SGCZ: variants seen among roughly 807,000 people sequenced by gnomAD.
The protein encoded by SGCZ is zeta-sarcoglycan.
SGCZ carries 40 observed loss-of-function variants against 41.3 expected under a neutral mutation model. The ratio of observed to expected loss-of-function variants is 0.97; its 90% CI spans 0.75 to 1.26. The LOEUF (loss-of-function observed/expected upper bound fraction) is 1.26, where lower values mean the gene tolerates loss of function less well. Ranked by LOEUF, SGCZ falls within the 50% of genes most tolerant of loss-of-function variation. The pLI is 0.00. For synonymous variants in SGCZ, 206 were observed against 137.5 expected (o/e 1.50, Z -3.49); for missense variants, 552 against 369.8 (o/e 1.49, Z -4.04).
chr8:14,236,220 C>A (rs1159307387), intron 4 of SGCZ, among the ~76,000 whole-genome samples: 10 of 152,108 alleles, frequency 6.6e-5, no homozygotes, highest in African/African-American at 2.4e-4. Flanking sequence ...GTTCTATATC[C>A]ATACACATAT....
intron 2 of SGCZ, among the ~76,000 whole-genome samples, chr8:14,389,989 G>T (rs940452400): frequency 6.6e-6 from 1 of 151,888 alleles, no homozygotes; most frequent in South Asian, 2.1e-4. Flanking sequence ...TTTGTAAGTA[G>T]GGGTTTACAG....
chr8:14,286,775 T>C (rs1563235257), intron 3 of SGCZ, among the ~76,000 whole-genome samples: 1 of 152,128 alleles, frequency 6.6e-6, no homozygotes, highest in Admixed American at 6.6e-5. Context: ...TACACAGCAG[T>C]CTTTGAAAGT....
At chr8:14,217,380 T>C (rs1806036519) in intron 4 of SGCZ, among the ~76,000 whole-genome samples, 1 of 150,178 alleles carries the variant, frequency 6.7e-6, no homozygotes, top group Non-Finnish European at 1.5e-5. Flanking sequence ...TATAACTGGT[T>C]AAATCTAAAG....
chr8:14,783,141 T>C lies in SGCZ; in HGVS notation c.40-228215A>G, dbSNP rs187527148. On this transcript the variant is annotated intron_variant, in intron 1 of 7. Coordinates refer to ENST00000382080, the MANE Select transcript of SGCZ (RefSeq NM_139167.4). ...TTAGGGAATTCCAAGAGATAGAAAGTAAAAGTATATGGCCGGGCACGGTGG... is the reference window on the plus strand; with the variant it reads ...TTAGGGAATTCCAAGAGATAGAAAGCAAAAGTATATGGCCGGGCACGGTGG... 4.5e-3 allele frequency among the ~76,000 whole-genome samples: 686 copies of C among 152,186 alleles called. 1 individual carries two copies. The highest frequency in any genetic ancestry group is 0.01 in the East Asian group (54 of 5,172).
chr8:14,100,399 AT>A (rs1212246408), intron 7 of SGCZ, among the ~76,000 whole-genome samples: 1 of 150,840 alleles, frequency 6.6e-6, no homozygotes, highest in Non-Finnish European at 1.5e-5. Flanking sequence ...AGTTACCATT[AT>A]CAAAGCAACT....
In SGCZ at chr8:14,989,606, C is replaced by G. The variant is rs140338113; in HGVS notation, c.39+247979G>C. Among the ~76,000 whole-genome samples, 590 of 151,944 alleles carry G rather than the reference C, an allele frequency of 3.9e-3. 4 individuals are homozygous for G. Among genetic ancestry groups the G allele is most frequent in the African/African-American group, 0.013 (555 of 41,480 alleles). On this transcript the variant is annotated intron_variant, in intron 1 of 7. Coordinates refer to ENST00000382080, the MANE Select transcript of SGCZ (RefSeq NM_139167.4). ...TCAGGGATTCTTTCCTTTAAGGGAGCATGAATCATATGAAAATCATAAAAT... is the reference window on the plus strand; with the variant it reads ...TCAGGGATTCTTTCCTTTAAGGGAGGATGAATCATATGAAAATCATAAAAT...
At chr8:14,917,836 T>G (rs1440143074) in intron 1 of SGCZ, among the ~76,000 whole-genome samples, 1 of 152,136 alleles carries the variant, frequency 6.6e-6, no homozygotes, top group Non-Finnish European at 1.5e-5. Flanking sequence ...CTCACATCAT[T>G]AATTAGGAGG....
rs6996415 is a variant in SGCZ at position 14,089,540 on chromosome 8, A to G, written c.*903T>C. On this transcript the variant is annotated 3_prime_UTR_variant, in exon 8 of 8. Transcript: ENST00000382080. ...AGTGAGTGGAGCAAACAAAAATTAT[A>G]CTATTAAAACCTAGGTGTAAAGGAT... Among the ~76,000 whole-genome samples, 3,166 of 152,094 alleles carry G rather than the reference A, an allele frequency of 0.021. 121 individuals are homozygous for G. The highest frequency in any genetic ancestry group is 0.072 in the African/African-American group (3,004 of 41,524).
At chr8:14,770,272 C>G (rs999683006) in intron 1 of SGCZ, among the ~76,000 whole-genome samples, 2 of 151,336 alleles carry the variant, frequency 1.3e-5, no homozygotes, top group African/African-American at 4.8e-5. Flanking sequence ...CAAGACAGAC[C>G]CATCTGAAAA....
At chr8:14,287,680 T>C (rs1011710678) in intron 3 of SGCZ, among the ~76,000 whole-genome samples, 2 of 152,124 alleles carry the variant, frequency 1.3e-5, no homozygotes, top group African/African-American at 2.4e-5. Flanking sequence ...TTAATTTTTT[T>C]AAATATATTT....
At chr8:14,471,654 C>G (rs1801215882) in intron 2 of SGCZ, among the ~76,000 whole-genome samples, 1 of 151,888 alleles carries the variant, frequency 6.6e-6, no homozygotes, top group African/African-American at 2.4e-5. Context: ...GTCACATCAG[C>G]TACATAAAGC....
chr8:14,967,990 T>A (rs1456424181), intron 1 of SGCZ, among the ~76,000 whole-genome samples: 3 of 152,150 alleles, frequency 2.0e-5, no homozygotes, highest in Non-Finnish European at 4.4e-5. Context: ...AGTAAATGAA[T>A]GGGCAATGCA....
intron 1 of SGCZ, among the ~76,000 whole-genome samples, chr8:14,652,354 G>GGC (rs1563180488): frequency 1.5e-5 from 1 of 68,456 alleles, no homozygotes; most frequent in Non-Finnish European, 3.3e-5. Context: ...AAAGGGGGGG[G>GGC]TGTGGGGGGG....
At position 14,086,737 on chromosome 8, in the gene SGCZ, G is replaced by A. The variant is rs190897973; in HGVS notation, c.*3706C>T. On this transcript the variant is annotated 3_prime_UTR_variant, in exon 8 of 8. Coordinates refer to ENST00000382080, the MANE Select transcript of SGCZ (RefSeq NM_139167.4). ...ATGTTCAAATGTTAAGAGTGTAAAA[G>A]GGAGTATAAAAAAGAGCATAGGAAG... Among the ~76,000 whole-genome samples the A allele has an allele frequency of 2.6e-3, 398 of 151,726 alleles. 2 individuals carry two copies. The highest frequency in any genetic ancestry group is 4.8e-3 in the Non-Finnish European group (322 of 67,718).
intron 1 of SGCZ, among the ~76,000 whole-genome samples, chr8:14,577,950 T>G (rs376272499): frequency 4.6e-5 from 7 of 152,312 alleles, no homozygotes; most frequent in African/African-American, 1.7e-4. Context: ...TGATGTTTTG[T>G]TTCTATTTTC....
intron 4 of SGCZ, among the ~76,000 whole-genome samples, chr8:14,211,034 T>A (rs770899871): frequency 6.6e-6 from 1 of 152,184 alleles, no homozygotes; most frequent in Non-Finnish European, 1.5e-5. Flanking sequence ...GGGAGATTCT[T>A]GTTTCCCAAA....
intron 2 of SGCZ, among the ~76,000 whole-genome samples, chr8:14,364,620 T>A (rs539686569): frequency 1.3e-5 from 2 of 152,300 alleles, no homozygotes; most frequent in Admixed American, 6.5e-5. Context: ...AGAGATGCTA[T>A]GCGTTATCAT....
intron 1 of SGCZ, among the ~76,000 whole-genome samples, chr8:14,611,210 C>A (rs141980770): frequency 3.0e-4 from 46 of 152,240 alleles, no homozygotes; most frequent in South Asian, 6.2e-4. Context: ...AACACTGAGT[C>A]TTTCCTCTAT....
At chr8:14,254,542 A>G (rs1799396756) in intron 3 of SGCZ, among the ~76,000 whole-genome samples, 1 of 152,202 alleles carries the variant, frequency 6.6e-6, no homozygotes, top group African/African-American at 2.4e-5. Flanking sequence ...GATTTTAAAA[A>G]TTGAATCCAG....
Sources: allele counts gnomAD v4.1 joint callset (sites outside exome capture counted in the v4.1 genomes callset), GRCh38; gene constraint gnomAD v4.1.1; transcripts MANE v1.5; gene names NCBI Gene and HGNC (gene_info 2026-07-23, HGNC 2026-07-21).